Variants in KDM4C observed in about 807,000 individuals in gnomAD.
KDM4C encodes the protein lysine demethylase 4C.
KDM4C carries 81 observed loss-of-function variants against 129.3 expected under a neutral mutation model. The ratio of observed to expected loss-of-function variants is 0.63; its 90% CI spans 0.52 to 0.75. KDM4C has a LOEUF of 0.75. Ranked by LOEUF, KDM4C falls within the 30% of genes least tolerant of loss-of-function variation. The pLI is 0.00. For synonymous variants in KDM4C, 573 were observed against 456.1 expected (o/e 1.26, Z -3.26); for missense variants, 1,457 against 1,304.0 (o/e 1.12, Z -1.81).
intron 1 of KDM4C, among the ~76,000 whole-genome samples, chr9:6,740,727 C>G (rs926884248): frequency 5.3e-5 from 8 of 150,850 alleles, no homozygotes; most frequent in African/African-American, 1.9e-4. Flanking sequence ...CTATGTTGGC[C>G]TGGCTGGTCT....
rs747457121 is a variant in KDM4C, at chr9:6,998,821, AAAC to A, written c.1786+8315_1786+8317del. Among the ~76,000 whole-genome samples the A allele has an allele frequency of 3.5e-4, 54 of 152,194 alleles. 1 individual carries two copies. Among genetic ancestry groups the A allele is most frequent in the African/African-American group, 9.9e-4 (41 of 41,540 alleles). On this transcript the variant is annotated intron_variant, in intron 12 of 21. Transcript: ENST00000381309. ...CAAAAAAACAAACCAACCAACAAAC[AAAC>A]AACAACAACAACAACAAAAAATTGT...
chr9:6,951,737 T>G (rs1828186061), intron 8 of KDM4C, among the ~76,000 whole-genome samples: 2 of 152,226 alleles, frequency 1.3e-5, no homozygotes, highest in Non-Finnish European at 2.9e-5. Context: ...TTTCATGCAT[T>G]TAATCATGTA....
intron 15 of KDM4C, among the ~76,000 whole-genome samples, chr9:7,038,934 C>A (rs1330640357): frequency 1.3e-5 from 2 of 151,732 alleles, no homozygotes; most frequent in Non-Finnish European, 2.9e-5. Flanking sequence ...TAACTGTGGG[C>A]TTTAAAAAAT....
intron 17 of KDM4C, among the ~76,000 whole-genome samples, chr9:7,083,711 A>ATGTGTGCG (rs1554730846): frequency 3.5e-5 from 5 of 143,224 alleles, no homozygotes; most frequent in Admixed American, 6.9e-5. Context: ...CACATGACTG[A>ATGTGTGCG]TGTGTGTGTG....
At chr9:6,988,096 A>G (rs539834188) in intron 11 of KDM4C, among the ~76,000 whole-genome samples, 1 of 144,722 alleles carries the variant, frequency 6.9e-6, no homozygotes, top group African/African-American at 2.6e-5. Flanking sequence ...TCAAGGCTGC[A>G]GTGAGCTGTG....
In KDM4C at chr9:7,004,946, G is replaced by A. The variant is rs1233589264; in HGVS notation, c.1787-6752G>A. Among the ~76,000 whole-genome samples, 3 of 152,206 alleles carry A rather than the reference G, an allele frequency of 2.0e-5. No homozygotes were observed. The East Asian group carries it at 5.8e-4, about 29-fold the overall frequency. ...AAGTACACTGACACACAGATAGTCTGCTTTGCCAGTTCTACTGAGTGTCCG... is the reference window on the plus strand; with the variant it reads ...AAGTACACTGACACACAGATAGTCTACTTTGCCAGTTCTACTGAGTGTCCG... On this transcript the variant is annotated intron_variant, in intron 12 of 21. Transcript: ENST00000381309.
chr9:6,765,079 TC>T (rs913389491), intron 1 of KDM4C, among the ~76,000 whole-genome samples: 6 of 152,132 alleles, frequency 3.9e-5, no homozygotes, highest in Non-Finnish European at 7.4e-5. Flanking sequence ...TACCATTCAC[TC>T]CCATCCTCCC....
At chr9:6,772,573 C>G (rs1822095448) in intron 1 of KDM4C, among the ~76,000 whole-genome samples, 1 of 152,158 alleles carries the variant, frequency 6.6e-6, no homozygotes, top group Non-Finnish European at 1.5e-5. Flanking sequence ...GTTGGTCAGG[C>G]TGGTCTTGAA....
intron 1 of KDM4C, chr9:6,723,638 A>G (rs1057436666): frequency 8.8e-4 from 135 of 153,388 alleles, no homozygotes; most frequent in Non-Finnish European, 1.7e-3. Flanking sequence ...CTCAAAAAAA[A>G]AAAAAAAAAA....
intron 1 of KDM4C, among the ~76,000 whole-genome samples, chr9:6,731,906 T>G (rs1817348511): frequency 2.0e-5 from 3 of 152,106 alleles, no homozygotes; most frequent in African/African-American, 7.2e-5. Context: ...CAGAGACCAT[T>G]TGACATTCTA....
intron 1 of KDM4C, among the ~76,000 whole-genome samples, chr9:6,763,463 A>G (rs1248883876): frequency 1.3e-5 from 2 of 149,576 alleles, no homozygotes; most frequent in Admixed American, 6.6e-5. Flanking sequence ...GTCTTAAGCA[A>G]TCATGCCATT....
At chr9:6,870,680 G>C (rs1004640698) in intron 5 of KDM4C, among the ~76,000 whole-genome samples, 2 of 151,972 alleles carry the variant, frequency 1.3e-5, no homozygotes, top group Non-Finnish European at 2.9e-5. Flanking sequence ...GAATGGGGCC[G>C]GGGGATCATT....
intron 17 of KDM4C, among the ~76,000 whole-genome samples, chr9:7,056,130 G>A (rs901248400): frequency 3.9e-5 from 6 of 152,146 alleles, no homozygotes; most frequent in African/African-American, 1.2e-4. Context: ...ACAGTAATCA[G>A]TAGTGTTAAT....
At chr9:7,159,668 C>T (rs1564192439) in intron 19 of KDM4C, among the ~76,000 whole-genome samples, 2 of 152,220 alleles carry the variant, frequency 1.3e-5, no homozygotes, top group South Asian at 4.1e-4. Context: ...CCCCCACTTT[C>T]TTCTGGCTTG....
chr9:6,994,909 G>T (rs1819416576), intron 12 of KDM4C, among the ~76,000 whole-genome samples: 2 of 152,194 alleles, frequency 1.3e-5, no homozygotes, highest in African/African-American at 4.8e-5. Context: ...TTAAAATGCA[G>T]CTGACCCATT....
At chr9:7,149,415 C>T (rs1398116721) in intron 19 of KDM4C, among the ~76,000 whole-genome samples, 1 of 152,242 alleles carries the variant, frequency 6.6e-6, no homozygotes, top group Non-Finnish European at 1.5e-5. Context: ...ACAGGGATGC[C>T]CGGGTCCAGA....
intron 8 of KDM4C, among the ~76,000 whole-genome samples, chr9:6,917,706 G>T (rs1303053460): frequency 1.3e-5 from 2 of 152,120 alleles, no homozygotes; most frequent in Non-Finnish European, 2.9e-5. Flanking sequence ...ATTCTTTGCT[G>T]ATTGTCTTGC....
intron 15 of KDM4C, among the ~76,000 whole-genome samples, chr9:7,031,380 C>T (rs1420976966): frequency 6.6e-6 from 1 of 152,014 alleles, no homozygotes; most frequent in East Asian, 1.9e-4. Context: ...AGGCTGGTGT[C>T]AAACTCCTGA....
At chr9:6,870,738 C>T (rs1842717279) in intron 5 of KDM4C, among the ~76,000 whole-genome samples, 1 of 152,002 alleles carries the variant, frequency 6.6e-6, no homozygotes, top group African/African-American at 2.4e-5. Flanking sequence ...ACTGGGCTTT[C>T]TTCTTCACAG....
Sources: gnomAD v4.1 joint callset for allele counts (sites outside exome capture counted in the v4.1 genomes callset) on GRCh38, gnomAD v4.1.1 for gene constraint, MANE v1.5 for transcripts, NCBI Gene and HGNC (gene_info 2026-07-23, HGNC 2026-07-21) for gene names.